RCAN2: variants seen among roughly 807,000 people sequenced by gnomAD.
The protein encoded by RCAN2 is regulator of calcineurin 2.
Under a neutral mutation model 23.6 loss-of-function variants are expected in RCAN2, and 9 were observed. That is an observed-to-expected ratio of 0.38 (90% CI 0.23 to 0.67). The LOEUF is 0.67. RCAN2 is among the 30% of genes least tolerant of loss of function. The probability of loss-of-function intolerance (pLI) is 0.51; values close to 1 mark genes in which losing one functional copy is unlikely to be tolerated. For synonymous variants in RCAN2, 109 were observed against 115.7 expected, an observed-to-expected ratio of 0.94 and a Z score of 0.37; for missense variants, 273 against 302.3, an observed-to-expected ratio of 0.90 and a Z score of 0.72.
chr6:46,388,181 A>C (rs1765822061), intron 2 of RCAN2, among the ~76,000 whole-genome samples: 1 of 152,180 alleles, frequency 6.6e-6, no homozygotes, highest in East Asian at 1.9e-4. Flanking sequence ...GTAGCACACC[A>C]ACATGGCACA....
At chr6:46,426,611 C>T (rs2150414831) in intron 2 of RCAN2, among the ~76,000 whole-genome samples, 1 of 152,232 alleles carries the variant, frequency 6.6e-6, no homozygotes, top group South Asian at 2.1e-4. Context: ...AGCCCTAAAT[C>T]TTAGAATGAA....
chr6:46,321,146 C>G (rs766129796), intron 2 of RCAN2, among the ~76,000 whole-genome samples: 2 of 152,176 alleles, frequency 1.3e-5, no homozygotes, highest in Non-Finnish European at 2.9e-5. Context: ...ATTTAATAAA[C>G]TGTCACTTCC....
intron 2 of RCAN2, among the ~76,000 whole-genome samples, chr6:46,295,118 C>T (rs549159097): frequency 6.6e-6 from 1 of 152,120 alleles, no homozygotes; most frequent in South Asian, 2.1e-4. Context: ...GGGTGACTTG[C>T]AAATTCTTGG....
chr6:46,278,657 ATC>A (rs913623965), intron 2 of RCAN2, among the ~76,000 whole-genome samples: 108 of 152,254 alleles, frequency 7.1e-4, no homozygotes, highest in African/African-American at 2.6e-3. Context: ...AACAATTATC[ATC>A]TCTCTTTAGT....
intron 2 of RCAN2, among the ~76,000 whole-genome samples, chr6:46,263,452 AGTGTGTGTGTGTGTGTGTGTGTAT>A (rs1767184403): frequency 4.0e-5 from 5 of 124,374 alleles, no homozygotes; most frequent in African/African-American, 1.5e-4. Flanking sequence ...GTCATCAGAG[AGTGTGTGTGTGTGTGTGTGTGTAT>A]GTGTGTGTGT....
Position 46,424,405 on chromosome 6 carries a change from C to A in RCAN2, c.225+32347G>T, listed in dbSNP as rs150194943. Among the ~76,000 whole-genome samples, 493 of 152,242 alleles carry A rather than the reference C, an allele frequency of 3.2e-3. 2 individuals are homozygous for A. Among genetic ancestry groups the A allele is most frequent in the Non-Finnish European group, 5.2e-3 (353 of 68,020 alleles). ...CCTCCCATCTTAATCACTAGGGTGT[C>A]CTGCCTCTGAAGCAAAGGGCATAAA... On this transcript the variant is annotated intron_variant, in intron 2 of 4. Coordinates refer to ENST00000371374, the MANE Select transcript of RCAN2 (RefSeq NM_001251974.2).
At position 46,292,557 on chromosome 6, in the gene RCAN2, A is replaced by T. The variant is rs114340294; in HGVS notation, c.226-43661T>A. On this transcript the variant is annotated intron_variant, in intron 2 of 4. Transcript: ENST00000371374. ...ATTGAACCTCAAATGATCTGCTGAG[A>T]TTATACAGAAGCATTCTTAAATGTG... 5.5e-3 allele frequency among the ~76,000 whole-genome samples: 826 copies of T among 151,384 alleles called. 4 individuals are homozygous for T. The highest frequency in any genetic ancestry group is 0.018 in the African/African-American group (761 of 41,266).
At chr6:46,411,508 T>C (rs898987624) in intron 2 of RCAN2, among the ~76,000 whole-genome samples, 3 of 152,130 alleles carry the variant, frequency 2.0e-5, no homozygotes, top group African/African-American at 4.8e-5. Flanking sequence ...TTTATCACAA[T>C]AAATTCATTA....
chr6:46,400,103 T>C (rs1038526979), intron 2 of RCAN2, among the ~76,000 whole-genome samples: 1 of 152,226 alleles, frequency 6.6e-6, no homozygotes, highest in African/African-American at 2.4e-5. Flanking sequence ...ACCTCTAGTG[T>C]ATCTCTATAC....
chr6:46,337,684 T>C (rs1223210400), intron 2 of RCAN2, among the ~76,000 whole-genome samples: 2 of 152,196 alleles, frequency 1.3e-5, no homozygotes, highest in Non-Finnish European at 2.9e-5. Flanking sequence ...ATCCATAGCT[T>C]GATTTTGGTT....
At chr6:46,315,094 G>T (rs1057422267) in intron 2 of RCAN2, among the ~76,000 whole-genome samples, 1 of 152,176 alleles carries the variant, frequency 6.6e-6, no homozygotes, top group African/African-American at 2.4e-5. Context: ...ACATTACTCT[G>T]TCTGAATGCT....
chr6:46,418,693 G>GTATATATATATA (rs1402938888), intron 2 of RCAN2, among the ~76,000 whole-genome samples: 2 of 99,650 alleles, frequency 2.0e-5, no homozygotes, highest in African/African-American at 7.2e-5. Context: ...ATATGTGTGT[G>GTATATATATATA]TGTATATATA....
chr6:46,276,133 G>A (rs1767690901), intron 2 of RCAN2, among the ~76,000 whole-genome samples: 1 of 152,172 alleles, frequency 6.6e-6, no homozygotes. Context: ...TTGAACCTAG[G>A]AGGTGGAGGT....
intron 1 of RCAN2, among the ~76,000 whole-genome samples, chr6:46,482,017 G>GA (rs1210036014): frequency 6.6e-6 from 1 of 151,928 alleles, no homozygotes; most frequent in Non-Finnish European, 1.5e-5. Flanking sequence ...TGATACTTTG[G>GA]AAAATCACTC....
chr6:46,317,092 T>C (rs918099943), intron 2 of RCAN2, among the ~76,000 whole-genome samples: 1 of 152,188 alleles, frequency 6.6e-6, no homozygotes, highest in Non-Finnish European at 1.5e-5. Flanking sequence ...ACTGAGTCAA[T>C]GGAAAATGCT....
intron 2 of RCAN2, among the ~76,000 whole-genome samples, chr6:46,359,793 T>G (rs558798308): frequency 2.3e-4 from 35 of 152,302 alleles, no homozygotes; most frequent in Admixed American, 2.3e-3. Flanking sequence ...ATCCTGTTTG[T>G]GTGATCATAT....
chr6:46,317,411 T>A (rs1363290727), intron 2 of RCAN2, among the ~76,000 whole-genome samples: 1 of 152,188 alleles, frequency 6.6e-6, no homozygotes, highest in East Asian at 1.9e-4. Flanking sequence ...GAGTTCAATG[T>A]CTTATCTTCC....
chr6:46,425,896 C>CTTTAT (rs1406895123), intron 2 of RCAN2, among the ~76,000 whole-genome samples: 1 of 126,696 alleles, frequency 7.9e-6, no homozygotes, highest in Non-Finnish European at 1.7e-5. Context: ...TTCTTTCTTT[C>CTTTAT]TTTTTTTTTT....
At chr6:46,301,836 G>A (rs1461879416) in intron 2 of RCAN2, among the ~76,000 whole-genome samples, 47 of 151,982 alleles carry the variant, frequency 3.1e-4, no homozygotes, top group Admixed American at 3.1e-3. Flanking sequence ...ATAAGGGAGT[G>A]AGCACATAGA....
Sources: gnomAD v4.1 joint callset for allele counts (sites outside exome capture counted in the v4.1 genomes callset) on GRCh38, gnomAD v4.1.1 for gene constraint, MANE v1.5 for transcripts, NCBI Gene and HGNC (gene_info 2026-07-23, HGNC 2026-07-21) for gene names.